UNC5D: variants seen among roughly 807,000 people sequenced by gnomAD.
UNC5D encodes the protein unc-5 netrin receptor D.
A neutral mutation model predicts 105.4 loss-of-function variants in UNC5D; 39 were observed. The ratio of observed to expected loss-of-function variants is 0.37; its 90% CI spans 0.29 to 0.48. UNC5D has a LOEUF of 0.48. Ranked by LOEUF, UNC5D falls within the 20% of genes least tolerant of loss-of-function variation. The pLI is 0.98. For missense variants in UNC5D, 991 were observed against 1,202.4 expected (o/e 0.82, Z 2.60); for synonymous variants, 452 against 450.4 (o/e 1.00, Z -0.04).
chr8:35,721,949 TG>T (rs1185107008), intron 8 of UNC5D, among the ~76,000 whole-genome samples: 2 of 152,228 alleles, frequency 1.3e-5, no homozygotes, highest in African/African-American at 4.8e-5. Context: ...TTTGCAAAAT[TG>T]ATTATATTCA....
At chr8:35,412,173 G>A (rs761966754) in intron 1 of UNC5D, among the ~76,000 whole-genome samples, 5 of 152,014 alleles carry the variant, frequency 3.3e-5, no homozygotes, top group African/African-American at 4.8e-5. Context: ...CATGTTGAAT[G>A]CAGGATTGGC....
intron 4 of UNC5D, among the ~76,000 whole-genome samples, chr8:35,681,008 C>G (rs1464346202): frequency 6.6e-6 from 1 of 152,176 alleles, no homozygotes; most frequent in Admixed American, 6.5e-5. Context: ...CCCAGACATG[C>G]TTTCAGCTGA....
intron 14 of UNC5D, among the ~76,000 whole-genome samples, chr8:35,765,941 AT>A (rs1380565945): frequency 6.6e-6 from 1 of 152,222 alleles, no homozygotes; most frequent in Non-Finnish European, 1.5e-5. Context: ...ATATGTGGTC[AT>A]TGCCAAGGGC....
intron 1 of UNC5D, among the ~76,000 whole-genome samples, chr8:35,237,265 C>T (rs1802534874): frequency 7.1e-6 from 1 of 141,816 alleles, no homozygotes. Context: ...GGTGATTGTA[C>T]ACCCTGGGTT....
intron 1 of UNC5D, among the ~76,000 whole-genome samples, chr8:35,342,846 T>C (rs1811549002): frequency 6.6e-6 from 1 of 152,108 alleles, no homozygotes. Context: ...TAGAGGGAGA[T>C]ATTGTGCTAT....
At chr8:35,572,203 G>T (rs529421660) in intron 3 of UNC5D, among the ~76,000 whole-genome samples, 1 of 137,200 alleles carries the variant, frequency 7.3e-6, no homozygotes, top group Non-Finnish European at 1.5e-5. Context: ...TGGGAGGATC[G>T]TTTGAGCCCG....
intron 1 of UNC5D, among the ~76,000 whole-genome samples, chr8:35,522,986 A>G (rs1384817637): frequency 6.6e-6 from 1 of 152,190 alleles, no homozygotes; most frequent in African/African-American, 2.4e-5. Flanking sequence ...TAACAATATA[A>G]TGAAGCCTAT....
Position 35,279,612 on chromosome 8 carries a change from G to T in UNC5D, c.103+43725G>T, listed in dbSNP as rs1319569609. 3.9e-5 allele frequency among the ~76,000 whole-genome samples: 6 copies of T among 152,266 alleles called. No homozygotes were observed. The East Asian group carries it at 1.2e-3, about 29-fold the overall frequency. Reference sequence around the variant, plus strand: ...ATTTTCCATGGCTGGTTAATAACCAGGTCTATTACTCCCATAAACCTCAAG... The same window carrying T: ...ATTTTCCATGGCTGGTTAATAACCATGTCTATTACTCCCATAAACCTCAAG... On this transcript the variant is annotated intron_variant, in intron 1 of 16. Transcript: ENST00000404895.
intron 1 of UNC5D, among the ~76,000 whole-genome samples, chr8:35,380,094 G>GGA (rs1554519182): frequency 1.0e-5 from 1 of 97,208 alleles, no homozygotes; most frequent in Non-Finnish European, 2.1e-5. Flanking sequence ...GGGTGGGGGG[G>GGA]GGGTCGGGGA....
intron 15 of UNC5D, among the ~76,000 whole-genome samples, chr8:35,772,860 A>G (rs1259549497): frequency 6.6e-6 from 1 of 151,744 alleles, no homozygotes; most frequent in African/African-American, 2.4e-5. Flanking sequence ...CTTTAGGACT[A>G]AGGTCCCCAT....
At chr8:35,260,353 A>G (rs1379772005) in intron 1 of UNC5D, among the ~76,000 whole-genome samples, 1 of 152,190 alleles carries the variant, frequency 6.6e-6, no homozygotes, top group African/African-American at 2.4e-5. Flanking sequence ...GAAAAGATCT[A>G]CTGACTCAGG....
intron 1 of UNC5D, among the ~76,000 whole-genome samples, chr8:35,416,200 A>AT (rs1290478648): frequency 6.6e-6 from 1 of 152,146 alleles, no homozygotes; most frequent in Non-Finnish European, 1.5e-5. Context: ...TTAAAAAAAA[A>AT]GGTGAAGCAT....
At chr8:35,628,898 A>G (rs1821858129) in intron 4 of UNC5D, among the ~76,000 whole-genome samples, 2 of 152,152 alleles carry the variant, frequency 1.3e-5, no homozygotes, top group South Asian at 4.1e-4. Context: ...TAAAATTATA[A>G]TAATTATATA....
chr8:35,522,211 A>G (rs892307052), intron 1 of UNC5D, among the ~76,000 whole-genome samples: 1 of 152,172 alleles, frequency 6.6e-6, no homozygotes, highest in Non-Finnish European at 1.5e-5. Context: ...TTCTGTTACA[A>G]TGCTTTAGAT....
intron 1 of UNC5D, chr8:35,525,279 A>T: frequency 4.3e-6 from 7 of 1,612,278 alleles, no homozygotes; most frequent in Non-Finnish European, 5.9e-6. Flanking sequence ...TATTTTGCGT[A>T]CATGGCTCAG....
intron 4 of UNC5D, among the ~76,000 whole-genome samples, chr8:35,625,340 A>G (rs893403787): frequency 2.0e-5 from 3 of 152,224 alleles, no homozygotes; most frequent in Non-Finnish European, 4.4e-5. Flanking sequence ...GGATATCTAC[A>G]TAAACTCTGA....
At chr8:35,770,339 C>T (rs1425108646) in intron 15 of UNC5D, among the ~76,000 whole-genome samples, 2 of 152,086 alleles carry the variant, frequency 1.3e-5, no homozygotes, top group South Asian at 2.1e-4. Flanking sequence ...AATAATCATC[C>T]TCATTGAAGG....
chr8:35,730,023 C>T (rs149276581), intron 10 of UNC5D, among the ~76,000 whole-genome samples: 1 of 152,268 alleles, frequency 6.6e-6, no homozygotes, highest in African/African-American at 2.4e-5. Flanking sequence ...TCATCAGCAA[C>T]CTGAAACTCT....
At chr8:35,552,425 A>G (rs1398396000) in intron 2 of UNC5D, among the ~76,000 whole-genome samples, 1 of 152,210 alleles carries the variant, frequency 6.6e-6, no homozygotes, top group Non-Finnish European at 1.5e-5. Flanking sequence ...ATAAGGATGG[A>G]TTGAAGTACA....
Sources: allele counts gnomAD v4.1 joint callset (sites outside exome capture counted in the v4.1 genomes callset), GRCh38; gene constraint gnomAD v4.1.1; transcripts MANE v1.5; gene names NCBI Gene and HGNC (gene_info 2026-07-23, HGNC 2026-07-21).